GRTP1: variants seen among roughly 807,000 people sequenced by gnomAD.
The protein encoded by GRTP1 is growth hormone regulated TBC protein 1.
GRTP1 carries 56 observed loss-of-function variants against 38.1 expected under a neutral mutation model. The ratio of observed to expected loss-of-function variants is 1.47; its 90% CI spans 1.19 to 1.84. GRTP1 has a LOEUF of 1.84. GRTP1 is among the 40% of genes most tolerant of loss of function. The pLI is 0.00. For missense variants in GRTP1, 506 were observed against 453.9 expected (o/e 1.11, Z -1.04); for synonymous variants, 217 against 189.5 (o/e 1.14, Z -1.19).
chr13:113,355,218 G>T, intron 3 of GRTP1, 105 bp downstream of exon 3: 1 of 1,129,182 alleles, frequency 8.9e-7, no homozygotes, highest in Non-Finnish European at 1.3e-6. Context: ...GTTAAAAGCA[G>T]CAGGCGCACC....
intron 5 of GRTP1, among the ~76,000 whole-genome samples, chr13:113,331,648 C>CTTTTT (rs59328510): frequency 3.2e-5 from 3 of 92,990 alleles, no homozygotes; most frequent in Admixed American, 1.1e-4. Context: ...GTTTGGTTTA[C>CTTTTT]TTTTTTTTTT....
chr13:113,346,230 AGACCCGGGAGGACCTCTGTGGCCG>A (rs2043124973), intron 4 of GRTP1, among the ~76,000 whole-genome samples: 2 of 90,148 alleles, frequency 2.2e-5, no homozygotes, highest in African/African-American at 8.6e-5. Flanking sequence ...GGCTGAGAAC[AGACCCGGGAGGACCTCTGTGGCCG>A]AGAGCAGATC....
intron 5 of GRTP1, among the ~76,000 whole-genome samples, chr13:113,337,995 C>T (rs950156469): frequency 6.6e-6 from 1 of 152,244 alleles, no homozygotes; most frequent in Admixed American, 6.5e-5. Context: ...ACCTGCTTCC[C>T]TATTTTTCAG....
chr13:113,338,194 C>T (rs2042980737), intron 5 of GRTP1, among the ~76,000 whole-genome samples: 2 of 152,196 alleles, frequency 1.3e-5, no homozygotes, highest in African/African-American at 4.8e-5. Flanking sequence ...TCTGCACCTT[C>T]TTCCTGCGTC....
chr13:113,333,874 T>TGTGTGTGTGTG (rs33972835), intron 5 of GRTP1, among the ~76,000 whole-genome samples: 1 of 135,264 alleles, frequency 7.4e-6, no homozygotes. Flanking sequence ...TGTGTGTGTG[T>TGTGTGTGTGTG]CCGAGGCTGG....
At chr13:113,324,671 G>A (rs2042733043) in intron 7 of GRTP1, 94 bp from the exon 8 acceptor site, 1 of 1,504,412 alleles carries the variant, frequency 6.6e-7, no homozygotes, top group Non-Finnish European at 8.9e-7. Context: ...GGCCTCGTGT[G>A]AGGTGAGGGA....
Position 113,330,736 on chromosome 13 carries a change from G to T in GRTP1, c.563-4645C>A, listed in dbSNP as rs1325586574. On this transcript the variant is annotated intron_variant, in intron 5 of 7. Transcript: ENST00000375431. ...CCCGGGTGTGTGCATGGAAACCCAG[G>T]TGTGTGCATGGGAGCCCAGGTGTGT... Among the ~76,000 whole-genome samples, 55 of 69,836 alleles carry T rather than the reference G, an allele frequency of 7.9e-4. 19 individuals are homozygous for T. Among genetic ancestry groups the T allele is most frequent in the Admixed American group, 1.9e-3 (14 of 7,454 alleles). 45.8% of individuals were successfully genotyped at this position (69,836 alleles called of 152,430 possible).
At chr13:113,352,413 A>C (rs2043304717) in intron 3 of GRTP1, among the ~76,000 whole-genome samples, 1 of 141,898 alleles carries the variant, frequency 7.0e-6, no homozygotes. Context: ...TCACTCTGTC[A>C]CCCAGGCTGG....
At chr13:113,327,826 A>G (rs58052803) in intron 5 of GRTP1, among the ~76,000 whole-genome samples, 3,513 of 152,270 alleles carry the variant, frequency 0.023, 132 homozygotes, top group East Asian at 0.14. Context: ...CCAACCCCAC[A>G]GGTGGTGTGG....
In GRTP1 at chr13:113,348,568, T is replaced by G. The variant is rs2043209030; in HGVS notation, c.465+2281A>C. On this transcript the variant is annotated intron_variant, in intron 4 of 7. Transcript: ENST00000375431. The surrounding 1 kb of genome is among the most constrained non-coding windows in gnomAD (Gnocchi z 4.8). ...GGACCTTGTTTGGGAAAAAGACTGT[T>G]GCAGATGTCATTACGGATGGGGTCA... Among the ~76,000 whole-genome samples, 1 of 152,176 alleles carries G rather than the reference T, an allele frequency of 6.6e-6. No individual in the cohort carries two copies. The highest frequency in any genetic ancestry group is 6.5e-5 in the Admixed American group (1 of 15,276).
In GRTP1 at chr13:113,328,975, G is replaced by A. The variant is rs140322239; in HGVS notation, c.563-2884C>T. Among the ~76,000 whole-genome samples the A allele has an allele frequency of 7.8e-4, 117 of 149,734 alleles. 1 individual carries two copies. The highest frequency in any genetic ancestry group is 2.7e-3 in the African/African-American group (106 of 39,154). Reference sequence around the variant, plus strand: ...GCAGCCTGTGGACTAAATTCTCCTGGTTCCCTTCCCTGCCCAGAAGCCTGA... The same window carrying A: ...GCAGCCTGTGGACTAAATTCTCCTGATTCCCTTCCCTGCCCAGAAGCCTGA... On this transcript the variant is annotated intron_variant, in intron 5 of 7. Coordinates refer to ENST00000375431, the MANE Select transcript of GRTP1 (RefSeq NM_024719.4).
intron 3 of GRTP1, chr13:113,351,620 T>C (rs1457455845): frequency 2.0e-5 from 3 of 153,342 alleles, no homozygotes; most frequent in East Asian, 3.8e-4. Context: ...CCAAGCTGTT[T>C]AGTGCTGGGG....
intron 3 of GRTP1, among the ~76,000 whole-genome samples, chr13:113,353,606 G>A (rs1269485777): frequency 2.6e-5 from 4 of 151,982 alleles, no homozygotes; most frequent in Non-Finnish European, 4.4e-5. Context: ...GCAAGGACAC[G>A]GGGGTCGGTG....
chr13:113,325,194 C>T, intron 7 of GRTP1: 3 of 1,094,648 alleles, frequency 2.7e-6, no homozygotes, highest in Non-Finnish European at 3.3e-6. Flanking sequence ...CCATGCTGCA[C>T]CCAGAGTGGC....
chr13:113,336,534 G>A (rs71446958), intron 5 of GRTP1, among the ~76,000 whole-genome samples: 148,117 of 151,874 alleles, frequency 0.98, 72,342 homozygotes, highest in East Asian at 1. Context: ...AGAACAGGGG[G>A]GCTCTGGCCG....
rs551871264 is a variant in GRTP1, at chr13:113,356,518, G to A, written c.182-1037C>T. ...CTTGACCTCATGATCCGCCCACCTC[G>A]GCCTCCCAAAGTGCTGGGATTACAG... On this transcript the variant is annotated intron_variant, in intron 2 of 7. Coordinates refer to ENST00000375431, the MANE Select transcript of GRTP1 (RefSeq NM_024719.4). Among the ~76,000 whole-genome samples the A allele has an allele frequency of 3.1e-3, 472 of 152,128 alleles. 3 individuals carry two copies. Among genetic ancestry groups the A allele is most frequent in the South Asian group, 0.015 (71 of 4,822 alleles).
rs2043159720 is a variant in GRTP1, at chr13:113,347,187, GGAGGACCTCTGTGGCCGAGAGCAGACCCA to G, written c.466-2257_466-2229del. On this transcript the variant is annotated intron_variant, in intron 4 of 7. Transcript: ENST00000375431. Reference sequence around the variant, plus strand: ...ACCTCTGTGGCAGAGAGCAGACCCAGGAGGACCTCTGTGGCCGAGAGCAGACCCAGGAGGACCTCTGTGGCTGAGAGCGG... The same window carrying G: ...ACCTCTGTGGCAGAGAGCAGACCCAGGGAGGACCTCTGTGGCTGAGAGCGG... 2.0e-5 allele frequency among the ~76,000 whole-genome samples: 2 copies of G among 100,314 alleles called. 1 individual carries two copies. The highest frequency in any genetic ancestry group is 2.1e-4 in the Admixed American group (2 of 9,576). The allele number at this position is 100,314 out of a possible 152,430, so 65.8% of individuals were successfully genotyped here. A position where few individuals can be genotyped will look rare whatever the true frequency, so the allele number is the denominator to read the frequency against.
intron 3 of GRTP1, among the ~76,000 whole-genome samples, chr13:113,352,259 TA>T (rs2043284169): frequency 4.3e-5 from 2 of 46,980 alleles, no homozygotes; most frequent in Admixed American, 3.6e-4. Flanking sequence ...TATATTTATA[TA>T]TTTTTATATT....
In GRTP1 at chr13:113,363,852, ACTT is replaced by A. The variant is rs1271238635; in HGVS notation, c.88_90del (p.Lys30del). On this transcript the variant is annotated inframe_deletion, in exon 2 of 8. Transcript: ENST00000375431. The stretch of plus-strand genomic sequence containing the variant: ...AGCGTGACCAGGTAGCTGGAGAAAA[ACTT>A]CTCGTAGGCGGCGTCGTCGAAGTCC... 40 of 1,611,108 alleles carry A rather than the reference ACTT, an allele frequency of 2.5e-5. No individual in the cohort carries two copies. The highest frequency in any genetic ancestry group is 3.3e-5 in the Non-Finnish European group (39 of 1,179,422).
Sources: allele counts gnomAD v4.1 joint callset (sites outside exome capture counted in the v4.1 genomes callset), GRCh38; gene constraint gnomAD v4.1.1; non-coding constraint Gnocchi (gnomAD v3.1); transcripts MANE v1.5; gene names NCBI Gene and HGNC (gene_info 2026-07-23, HGNC 2026-07-21).